FANCB: variants seen among roughly 807,000 people sequenced by gnomAD.
FANCB encodes the protein Fanconi anemia group B protein.
A neutral mutation model predicts 38.9 loss-of-function variants in FANCB; 5 were observed. The ratio of observed to expected loss-of-function variants is 0.13; its 90% CI spans 0.07 to 0.27. The LOEUF is 0.27. Among genes scored for constraint, FANCB ranks in the 10% least tolerant of loss-of-function variants. FANCB has a pLI of 1.00. For missense variants in FANCB, 573 were observed against 602.7 expected, an observed-to-expected ratio of 0.95 and a Z score of 0.52; for synonymous variants, 236 against 215.4, an observed-to-expected ratio of 1.10 and a Z score of -0.84.
chrX:14,787,250 GA>G, the FANCB span, among the ~76,000 whole-genome samples: 2 of 109,730 alleles, frequency 1.8e-5, no homozygotes, highest in African/African-American at 6.7e-5. Flanking sequence ...AAAGAACAAA[GA>G]AAAAAAAGCA....
At chrX:14,801,083 T>C in the FANCB span, among the ~76,000 whole-genome samples, 2 of 111,414 alleles carry the variant, frequency 1.8e-5, no homozygotes, top group Non-Finnish European at 3.8e-5. Flanking sequence ...ATTGATTAGA[T>C]TGACCGTGGG....
chrX:14,871,638 GTGTA>G (rs2092497210), intron 1 of FANCB, among the ~76,000 whole-genome samples: 3 of 109,463 alleles, frequency 2.7e-5, no homozygotes, highest in Admixed American at 9.8e-5. Flanking sequence ...GTGTGTGTGT[GTGTA>G]TATATATATA....
chrX:14,717,980 G>A, the FANCB span, among the ~76,000 whole-genome samples: 1 of 110,934 alleles, frequency 9.0e-6, no homozygotes, highest in Non-Finnish European at 1.9e-5. Flanking sequence ...TGAGAATGTC[G>A]TCGGGTACGA....
intron 5 of FANCB, among the ~76,000 whole-genome samples, chrX:14,854,342 T>C (rs1385607363): frequency 8.9e-6 from 1 of 111,795 alleles, no homozygotes; most frequent in African/African-American, 3.3e-5. Flanking sequence ...GTGTTCACTC[T>C]TCCTTCCTCC....
chrX:14,693,082 A>G, the FANCB span, among the ~76,000 whole-genome samples: 1 of 111,291 alleles, frequency 9.0e-6, no homozygotes, highest in Non-Finnish European at 1.9e-5. Flanking sequence ...AGAACCAGAC[A>G]GACAAAGAGA....
chrX:14,843,295 C>A (rs1337369677), downstream of FANCB: 4 of 293,223 alleles, frequency 1.4e-5, no homozygotes, highest in South Asian at 1.9e-4. Context: ...CCATAGCACC[C>A]CTGCCTCACC....
At chrX:14,697,680 T>TTGTTCTATGG in the FANCB span, among the ~76,000 whole-genome samples, 2 of 110,850 alleles carry the variant, frequency 1.8e-5, no homozygotes, top group Non-Finnish European at 3.8e-5. Context: ...GATACCAGCC[T>TTGTTCTATGG]TGTTCTATGG....
the FANCB span, among the ~76,000 whole-genome samples, chrX:14,710,222 G>A: frequency 8.9e-6 from 1 of 112,006 alleles, no homozygotes; most frequent in Admixed American, 9.5e-5. Context: ...GCCCCCTGCA[G>A]AAACAAACAA....
At chrX:14,797,267 C>A in the FANCB span, among the ~76,000 whole-genome samples, 1 of 111,724 alleles carries the variant, frequency 9.0e-6, no homozygotes, top group Non-Finnish European at 1.9e-5. Flanking sequence ...GTCCTCATGG[C>A]AGGTTGGCTG....
the FANCB span, among the ~76,000 whole-genome samples, chrX:14,718,866 T>C: frequency 8.9e-6 from 1 of 111,932 alleles, no homozygotes; most frequent in South Asian, 3.8e-4. Flanking sequence ...CAGTGTCATC[T>C]TCACTGCATT....
chrX:14,752,690 G>A, the FANCB span, among the ~76,000 whole-genome samples: 1 of 111,851 alleles, frequency 8.9e-6, no homozygotes, highest in Non-Finnish European at 1.9e-5. Context: ...CTACATAAAT[G>A]AGTATCTTGG....
the FANCB span, among the ~76,000 whole-genome samples, chrX:14,801,560 T>C: frequency 1.8e-5 from 2 of 112,439 alleles, no homozygotes; most frequent in African/African-American, 6.5e-5. Context: ...TTAAATGGAA[T>C]AGAAAATATC....
At chrX:14,772,533 C>T in the FANCB span, among the ~76,000 whole-genome samples, 10 of 112,405 alleles carry the variant, frequency 8.9e-5, no homozygotes, top group Non-Finnish European at 1.7e-4. Context: ...GAACCCTTCT[C>T]AGGCAGACTC....
At chrX:14,699,564 C>G in the FANCB span, among the ~76,000 whole-genome samples, 1 of 112,127 alleles carries the variant, frequency 8.9e-6, no homozygotes, top group African/African-American at 3.2e-5. Context: ...TCATATGAAA[C>G]ACTTATTTCT....
In FANCB at chrX:14,867,958, T is replaced by A. The variant is rs191520823; in HGVS notation, c.-71+965A>T. Among the ~76,000 whole-genome samples, 1,005 of 110,744 alleles carry A rather than the reference T, an allele frequency of 9.1e-3. 13 individuals carry two copies. Among genetic ancestry groups the A allele is most frequent in the African/African-American group, 0.03 (919 of 30,522 alleles). On this transcript the variant is annotated intron_variant, in intron 2 of 9. Coordinates refer to ENST00000650831, the MANE Select transcript of FANCB (RefSeq NM_001018113.3). ...TCAAAAGGTACACACACAAAAAAAATGCTCAATATCACTAATCATCAGGGA... is the reference window on the plus strand; with the variant it reads ...TCAAAAGGTACACACACAAAAAAAAAGCTCAATATCACTAATCATCAGGGA...
At chrX:14,870,050 CTAAG>C (rs1174737573) in intron 1 of FANCB, among the ~76,000 whole-genome samples, 2 of 111,871 alleles carry the variant, frequency 1.8e-5, no homozygotes, top group African/African-American at 6.5e-5. Flanking sequence ...TTTATTATAT[CTAAG>C]TAATACTCAA....
chrX:14,844,432 G>T, intron 9 of FANCB, 71 bp downstream of exon 9: 1 of 769,869 alleles, frequency 1.3e-6, no homozygotes, highest in Non-Finnish European at 2.0e-6. Context: ...GCGGATCGCT[G>T]TTGAACCACA....
chrX:14,791,799 G>A, the FANCB span, among the ~76,000 whole-genome samples: 1 of 112,149 alleles, frequency 8.9e-6, no homozygotes, highest in African/African-American at 3.2e-5. Context: ...TGTTCTCTAT[G>A]TTCATTATAT....
In FANCB at chrX:14,873,031, T is replaced by G; in HGVS notation, c.-237A>C. 1 of 142,926 alleles carries G rather than the reference T, an allele frequency of 7.0e-6. No individual in the cohort carries two copies. The highest frequency in any genetic ancestry group is 1.8e-4 in the South Asian group (1 of 5,620). The allele number at this position is 142,926 out of a possible 1,213,427, so 11.8% of individuals were successfully genotyped here. On this transcript the variant is annotated 5_prime_UTR_variant, in exon 1 of 10. Transcript: ENST00000650831. ...CCGGAGGCCCCACGTCGATACGGTA[T>G]CCATCTGCTCCAAACCTCCCGCCAG...
Sources: allele counts gnomAD v4.1 joint callset (sites outside exome capture counted in the v4.1 genomes callset), GRCh38; gene constraint gnomAD v4.1.1; transcripts MANE v1.5; gene names NCBI Gene and HGNC (gene_info 2026-07-23, HGNC 2026-07-21).